PTPRN: variants seen among roughly 807,000 people sequenced by gnomAD.
PTPRN encodes the protein receptor-type tyrosine-protein phosphatase-like N.
A neutral mutation model predicts 108.5 loss-of-function variants in PTPRN; 70 were observed. The observed-to-expected ratio is 0.65, with a 90% CI of 0.53 to 0.79. The LOEUF (loss-of-function observed/expected upper bound fraction) is 0.79. Ranked by LOEUF, PTPRN falls within the 30% of genes least tolerant of loss-of-function variation. The pLI is 0.00. For synonymous variants in PTPRN, 496 were observed against 524.6 expected (o/e 0.95, Z 0.75); for missense variants, 1,136 against 1,295.5 (o/e 0.88, Z 1.89).
At chr2:219,300,412 G>A in intron 8 of PTPRN, 153 bp from the exon 9 acceptor site, 1 of 700,706 alleles carries the variant, frequency 1.4e-6, no homozygotes, top group Non-Finnish European at 2.2e-6. Flanking sequence ...GGACACCAGA[G>A]CATCTGAGAC....
At position 219,302,158 on chromosome 2, in the gene PTPRN, C is replaced by A. The variant is rs758129457; in HGVS notation, c.973G>T (p.Ala325Ser). ...EGLGDRGEKP[A>S]SPAVQPDAAL... ...TTACCTGGCTGCACAGCTGGGGAAG[C>A]AGGCTTCTCTCCACGATCCCCTAGT... is the stretch of plus-strand genomic sequence containing the variant. Residue 325 changes from alanine (A) to serine (S), a missense_variant, in exon 6 of 23, where the codon GCT (alanine) becomes TCT (serine). Physicochemically the swap from Ala to Ser is moderately conservative, Grantham distance 99. Transcript: ENST00000295718. The A allele has an allele frequency of 6.3e-7, 1 of 1,590,016 alleles. No individual in the cohort carries two copies. Among genetic ancestry groups the A allele is most frequent in the East Asian group, 2.3e-5 (1 of 44,364 alleles).
chr2:219,298,081 A>C lies in PTPRN; in HGVS notation c.1691T>G (p.Leu564Arg), dbSNP rs1952247142. The C allele has an allele frequency of 6.2e-7, 1 of 1,613,612 alleles. No homozygotes were observed. Among genetic ancestry groups the C allele is most frequent in the Non-Finnish European group, 8.5e-7 (1 of 1,179,924 alleles). Residue 564 changes from leucine to arginine, a missense_variant, in exon 13 of 23, where the codon CTT becomes CGT. Transcript: ENST00000295718. ...TGAGGTGCTGTGCGCAGTTTGGGGAAGGACTGCAGCTGCCTCCTCCCTCTG... is the reference window on the plus strand; with the variant it reads ...TGAGGTGCTGTGCGCAGTTTGGGGACGGACTGCAGCTGCCTCCTCCCTCTG... ...VGQREEAAAV[L>R]PQTAHSTSPM... is the part of the protein sequence containing the mutation.
Position 219,297,085 on chromosome 2 carries a change from C to T in PTPRN, c.2136G>A (p.Glu712=). The T allele has an allele frequency of 1.2e-6, 2 of 1,614,176 alleles. No individual in the cohort carries two copies. Among genetic ancestry groups the T allele is most frequent in the African/African-American group, 1.3e-5 (1 of 75,064 alleles). The stretch of plus-strand genomic sequence containing the variant: ...CTTGGTAGGCACAGAGGGCCTGCCA[C>T]TCCTTGGCAAGGCGGTCCCGGTTCC... ...HLRNRDRLAK[E]WQALCAYQAE... Residue 712 remains glutamate (E), a synonymous_variant, in exon 15 of 23, where the codon GAG becomes GAA. Coordinates refer to ENST00000295718, the MANE Select transcript of PTPRN (RefSeq NM_002846.4). The surrounding 1 kb of genome is among the most constrained non-coding windows in gnomAD (Gnocchi z 6.0).
chr2:219,305,154 A>C (rs1339063518), intron 3 of PTPRN, among the ~76,000 whole-genome samples: 1 of 151,532 alleles, frequency 6.6e-6, no homozygotes, highest in African/African-American at 2.4e-5. Context: ...TGGGACACTG[A>C]ACACTGTTGT....
Position 219,302,227 on chromosome 2 carries a change from T to C in PTPRN, c.904A>G (p.Ser302Gly). The change falls in exon 6 of 23, where the codon AGC becomes GGC. Residue 302 changes from serine (S) to glycine (G), a missense_variant. Transcript: ENST00000295718. Reference sequence around the variant, plus strand: ...TCTGGGGAGTCCTCTGCCCGGCTGCTGCTCCCTTGCTCTGGCAGCCTTGGC... The same window carrying C: ...TCTGGGGAGTCCTCTGCCCGGCTGCCGCTCCCTTGCTCTGGCAGCCTTGGC... Reference protein sequence around the residue: ...RVPRLPEQGSSSRAEDSPEGY... With the variant: ...RVPRLPEQGSGSRAEDSPEGY... The C allele has an allele frequency of 6.2e-7, 1 of 1,614,130 alleles. No individual in the cohort carries two copies. Among genetic ancestry groups the C allele is most frequent in the Non-Finnish European group, 8.5e-7 (1 of 1,179,996 alleles).
Position 219,296,964 on chromosome 2 carries a change from G to A in PTPRN, c.2236+21C>T, listed in dbSNP as rs766472904. 9 of 1,613,400 alleles carry A rather than the reference G, an allele frequency of 5.6e-6. No individual in the cohort carries two copies. The East Asian group carries it at 1.1e-4, about 20-fold the overall frequency. ...CAGCAGAGAGAGGGCTGGGCCAGGT[G>A]GGCCAGCAGGGTTCACTCACAGGGC... On this transcript the variant is annotated intron_variant, in intron 15 of 22. Coordinates refer to ENST00000295718, the MANE Select transcript of PTPRN (RefSeq NM_002846.4). This position sits in a 1 kb window ranked among gnomAD's most constrained non-coding sequence, Gnocchi z 6.0.
At chr2:219,301,788 T>C in intron 6 of PTPRN, 69 bp from the exon 7 acceptor site, 1 of 1,531,952 alleles carries the variant, frequency 6.5e-7, no homozygotes. Flanking sequence ...GATGAGTGAG[T>C]GAGGGTGGGA....
chr2:219,290,940 G>A lies in PTPRN; in HGVS notation c.2730-50C>T, dbSNP rs770654938. The A allele has an allele frequency of 1.3e-6, 2 of 1,574,932 alleles. No homozygotes were observed. The highest frequency in any genetic ancestry group is 1.7e-6 in the Non-Finnish European group (2 of 1,144,404). On this transcript the variant is annotated intron_variant, in intron 20 of 22. Coordinates refer to ENST00000295718, the MANE Select transcript of PTPRN (RefSeq NM_002846.4). The surrounding 1 kb of genome is among the most constrained non-coding windows in gnomAD (Gnocchi z 4.2). ...TTAGCTTGAGATGCAGCAGAAAGGG[G>A]GAGGGACGGAGGAGGCGAGGAGGCC...
intron 6 of PTPRN, 38 bp from the exon 7 acceptor site, chr2:219,301,757 G>A (rs771634405): frequency 3.0e-5 from 47 of 1,582,294 alleles, no homozygotes; most frequent in South Asian, 1.3e-4. Flanking sequence ...GGCTGATTGC[G>A]CAGTGAACTT....
chr2:219,302,911 G>A (rs1439070770), intron 4 of PTPRN, 74 bp from the exon 5 acceptor site: 26 of 1,533,780 alleles, frequency 1.7e-5, no homozygotes, highest in South Asian at 2.4e-5. Context: ...AGAACTATTC[G>A]GGGCCAGGCA....
At chr2:219,308,826 C>G in intron 1 of PTPRN, 1 of 1,306,374 alleles carries the variant, frequency 7.7e-7, no homozygotes, top group Non-Finnish European at 1.0e-6. Context: ...CAGAGATCAC[C>G]GTTCCCTCAT....
In PTPRN at chr2:219,308,678, T is replaced by C. The variant is rs1469751192; in HGVS notation, c.115+540A>G. Reference sequence around the variant, plus strand: ...AGAGGACCCTCCCCTCTTCATCCTCTTCTGCCCCCTCCCCGTGCTGTCCCC... The same window carrying C: ...AGAGGACCCTCCCCTCTTCATCCTCCTCTGCCCCCTCCCCGTGCTGTCCCC... On this transcript the variant is annotated intron_variant, in intron 1 of 22. Coordinates refer to ENST00000295718, the MANE Select transcript of PTPRN (RefSeq NM_002846.4). Among the ~76,000 whole-genome samples, 5 of 151,740 alleles carry C rather than the reference T, an allele frequency of 3.3e-5. No homozygotes were observed. The East Asian group carries it at 7.8e-4, about 24-fold the overall frequency.
Position 219,289,943 on chromosome 2 carries a change from T to C in PTPRN, c.*283A>G, listed in dbSNP as rs2125086801. 4.7e-6 allele frequency: 2 copies of C among 424,836 alleles called. No individual in the cohort carries two copies. Among genetic ancestry groups the C allele is most frequent in the East Asian group, 4.2e-5 (1 of 24,094 alleles). The allele number at this position is 424,836 out of a possible 1,614,324, so 26.3% of individuals were successfully genotyped here. A position where few individuals can be genotyped will look rare whatever the true frequency, so the allele number is the denominator to read the frequency against. ...GCTACAGGAGAGCCAGGCCAGGGAA[T>C]GTAGGCAGGAGAAGGCTCTGGGTAG... On this transcript the variant is annotated 3_prime_UTR_variant, in exon 23 of 23. Coordinates refer to ENST00000295718, the MANE Select transcript of PTPRN (RefSeq NM_002846.4).
intron 12 of PTPRN, among the ~76,000 whole-genome samples, chr2:219,298,796 A>T (rs1225274791): frequency 6.6e-6 from 1 of 152,242 alleles, no homozygotes; most frequent in Non-Finnish European, 1.5e-5. Flanking sequence ...GCTCCAGCAG[A>T]CTAAGGGCGG....
Position 219,297,941 on chromosome 2 carries a change from G to A in PTPRN, c.1831C>T (p.Arg611Cys), listed in dbSNP as rs768135553. ...CCCTCAGGCCCCAGGGCTGCCAGGC[G>A]CTCCTTGTCTTGCTGCCGCGCATGC... ...RQHARQQDKERLAALGPEGAH... is the reference protein window; with the variant it reads ...RQHARQQDKECLAALGPEGAH... The change falls in exon 13 of 23, where the codon CGC (arginine) becomes TGC (cysteine). Residue 611 changes from arginine (R) to cysteine (C), a missense_variant. Coordinates refer to ENST00000295718, the MANE Select transcript of PTPRN (RefSeq NM_002846.4). The surrounding 1 kb of genome is among the most constrained non-coding windows in gnomAD (Gnocchi z 6.0). 24 of 1,613,242 alleles carry A rather than the reference G, an allele frequency of 1.5e-5. No homozygotes were observed. The highest frequency in any genetic ancestry group is 6.7e-5 in the African/African-American group (5 of 74,926).
intron 3 of PTPRN, chr2:219,307,148 T>A: frequency 3.5e-6 from 1 of 284,962 alleles, no homozygotes; most frequent in Non-Finnish European, 6.5e-6. Context: ...TGGCTGAGGA[T>A]TCCAGAGTTC....
intron 1 of PTPRN, chr2:219,308,198 A>G (rs541189238): frequency 6.9e-6 from 2 of 289,394 alleles, no homozygotes; most frequent in African/African-American, 4.5e-5. Flanking sequence ...AAAGCATCCT[A>G]TAATGGCCTG....
At chr2:219,308,877 A>G in intron 1 of PTPRN, 3 of 1,337,006 alleles carry the variant, frequency 2.2e-6, no homozygotes, top group Non-Finnish European at 3.0e-6. Flanking sequence ...AGCGCCTGTC[A>G]CCACCTCCCA....
At position 219,305,306 on chromosome 2, in the gene PTPRN, G is replaced by A. The variant is rs1273592021; in HGVS notation, c.281-1475C>T. On this transcript the variant is annotated intron_variant, in intron 3 of 22. Coordinates refer to ENST00000295718, the MANE Select transcript of PTPRN (RefSeq NM_002846.4). Reference sequence around the variant, plus strand: ...CACCCAGGCTGGAGTGCAGTGGTGCGATCTCGGCTCACCACAACCTCTGCC... The same window carrying A: ...CACCCAGGCTGGAGTGCAGTGGTGCAATCTCGGCTCACCACAACCTCTGCC... Among the ~76,000 whole-genome samples the A allele has an allele frequency of 3.3e-5, 5 of 151,072 alleles. 1 individual carries two copies. Among genetic ancestry groups the A allele is most frequent in the East Asian group, 3.9e-4 (2 of 5,136 alleles).
Sources: allele counts gnomAD v4.1 joint callset (sites outside exome capture counted in the v4.1 genomes callset), GRCh38; gene constraint gnomAD v4.1.1; non-coding constraint Gnocchi (gnomAD v3.1); transcripts MANE v1.5; gene names NCBI Gene and HGNC (gene_info 2026-07-23, HGNC 2026-07-21).